Variants in EML6 observed in about 807,000 individuals in gnomAD.
EML6 encodes the protein EMAP like 6, also known as echinoderm microtubule-associated protein-like 6.
A neutral mutation model predicts 240.1 loss-of-function variants in EML6; 154 were observed. The ratio of observed to expected loss-of-function variants is 0.64; its 90% confidence interval spans 0.56 to 0.73. The LOEUF (loss-of-function observed/expected upper bound fraction) is 0.73, where lower values mean the gene tolerates loss of function less well. EML6 is among the 30% of genes least tolerant of loss of function. The pLI is 0.00. For synonymous variants in EML6, 1,148 were observed against 899.0 expected, an observed-to-expected ratio of 1.28 and a Z score of -4.95; for missense variants, 2,964 against 2,474.6, an observed-to-expected ratio of 1.20 and a Z score of -4.20.
At position 54,870,691 on chromosome 2, in the gene EML6, G is replaced by GT. The variant is rs1052385769; in HGVS notation, c.2239-799dup. On this transcript the variant is annotated intron_variant, in intron 15 of 41. Transcript: ENST00000356458. The stretch of plus-strand genomic sequence containing the variant: ...CTTTTTTTAAGTAAAAGCCAGAGGT[G>GT]TTTTTTTTTTACATAAATCCCCAAG... Among the ~76,000 whole-genome samples, 894 of 148,380 alleles carry GT rather than the reference G, an allele frequency of 6.0e-3. 6 individuals carry two copies. The highest frequency in any genetic ancestry group is 0.014 in the Middle Eastern group (4 of 288).
intron 24 of EML6, among the ~76,000 whole-genome samples, chr2:54,906,640 G>C (rs577161140): frequency 6.6e-6 from 1 of 152,314 alleles, no homozygotes; most frequent in South Asian, 2.1e-4. Context: ...GCTTTCTGTG[G>C]ATTGAGAGTA....
chr2:54,830,560 T>C (rs1668818016), intron 7 of EML6, among the ~76,000 whole-genome samples: 1 of 152,220 alleles, frequency 6.6e-6, no homozygotes, highest in African/African-American at 2.4e-5. Context: ...CTGTGTGACC[T>C]GATGGCGATG....
At chr2:54,925,383 A>G (rs149832586) in intron 26 of EML6, among the ~76,000 whole-genome samples, 2 of 152,228 alleles carry the variant, frequency 1.3e-5, no homozygotes, top group African/African-American at 2.4e-5. Context: ...AAGCAGACTA[A>G]TGTCCCATGC....
chr2:54,960,366 C>T, intron 35 of EML6, 32 bp downstream of exon 35: 1 of 1,483,824 alleles, frequency 6.7e-7, no homozygotes, highest in Non-Finnish European at 9.2e-7. Context: ...GGGGGCTGGG[C>T]CAGGGAAGGG....
Position 54,804,784 on chromosome 2 carries a change from C to G in EML6, c.198-8448C>G, listed in dbSNP as rs373438451. Among the ~76,000 whole-genome samples, 363 of 152,332 alleles carry G rather than the reference C, an allele frequency of 2.4e-3. 15 individuals are homozygous for G. The South Asian group carries it at 0.071, about 30-fold the overall frequency. On this transcript the variant is annotated intron_variant, in intron 2 of 41. Coordinates refer to ENST00000356458, the MANE Select transcript of EML6 (RefSeq NM_001039753.4). ...AACACTTCTAATTTTCAGGACTGTTCTCTCTGGTGGTTACTTCCACATCTC... is the reference window on the plus strand; with the variant it reads ...AACACTTCTAATTTTCAGGACTGTTGTCTCTGGTGGTTACTTCCACATCTC...
intron 2 of EML6, among the ~76,000 whole-genome samples, chr2:54,811,477 C>A (rs1382366054): frequency 6.6e-6 from 1 of 152,184 alleles, no homozygotes; most frequent in African/African-American, 2.4e-5. Context: ...CATCTTTCTC[C>A]ATCCTCCATC....
intron 38 of EML6, among the ~76,000 whole-genome samples, chr2:54,966,122 G>A (rs1439603854): frequency 3.9e-5 from 6 of 152,214 alleles, no homozygotes; most frequent in Admixed American, 2.6e-4. Flanking sequence ...GAGAAGACAA[G>A]CACTAAACAG....
chr2:54,733,064 C>T (rs1253948453), intron 2 of EML6, among the ~76,000 whole-genome samples: 1 of 152,158 alleles, frequency 6.6e-6, no homozygotes, highest in Non-Finnish European at 1.5e-5. Context: ...ATCTGGATGA[C>T]CTCAACTAGA....
intron 32 of EML6, among the ~76,000 whole-genome samples, chr2:54,957,354 G>GA (rs11315862): frequency 0.27 from 28,643 of 106,232 alleles, 4,183 homozygotes; most frequent in African/African-American, 0.42. Flanking sequence ...AGAATCTTAG[G>GA]AAAAAAAAAA....
At chr2:54,852,447 C>T (rs1014813309) in intron 10 of EML6, among the ~76,000 whole-genome samples, 1 of 152,106 alleles carries the variant, frequency 6.6e-6, no homozygotes, top group African/African-American at 2.4e-5. Flanking sequence ...AAATACCATC[C>T]TGTTCAGGGG....
intron 16 of EML6, among the ~76,000 whole-genome samples, chr2:54,877,610 T>G (rs1312347790): frequency 6.6e-6 from 1 of 152,208 alleles, no homozygotes; most frequent in Non-Finnish European, 1.5e-5. Context: ...CATTACCAAT[T>G]CCTTCTCCTA....
intron 5 of EML6, among the ~76,000 whole-genome samples, chr2:54,823,850 T>TCTCTCTCTCTCTCTCTCTCTCTCTC (rs1553387708): frequency 1.4e-5 from 1 of 72,256 alleles, no homozygotes; most frequent in Non-Finnish European, 2.9e-5. Flanking sequence ...CATTCATTCA[T>TCTCTCTCTCTCTCTCTCTCTCTCTC]TCTCTCTCTC....
At chr2:54,860,332 C>A (rs984160351) in intron 12 of EML6, among the ~76,000 whole-genome samples, 1 of 152,150 alleles carries the variant, frequency 6.6e-6, no homozygotes, top group Non-Finnish European at 1.5e-5. Context: ...CGGTTTGATA[C>A]AAGTGCTCAA....
chr2:54,887,972 G>A (rs1412886417), intron 17 of EML6, among the ~76,000 whole-genome samples: 1 of 152,142 alleles, frequency 6.6e-6, no homozygotes, highest in Non-Finnish European at 1.5e-5. Context: ...TGTACATTCT[G>A]CGAGTTTTGA....
chr2:54,963,740 T>C (rs895120088), intron 36 of EML6, among the ~76,000 whole-genome samples: 3 of 152,338 alleles, frequency 2.0e-5, no homozygotes, highest in Non-Finnish European at 2.9e-5. Flanking sequence ...AAGTGGGTGC[T>C]ACCTAATCAT....
chr2:54,767,115 A>G (rs17046312), intron 2 of EML6, among the ~76,000 whole-genome samples: 15,298 of 152,142 alleles, frequency 0.1, 1,495 homozygotes, highest in East Asian at 0.31. Flanking sequence ...AGGCAGTCAA[A>G]GTAGGTTTTT....
chr2:54,948,103 C>G (rs1356646535), intron 28 of EML6, among the ~76,000 whole-genome samples: 1 of 152,180 alleles, frequency 6.6e-6, no homozygotes, highest in Non-Finnish European at 1.5e-5. Flanking sequence ...CTCGACCCAT[C>G]CATAGAGAAA....
At position 54,962,520 on chromosome 2, in the gene EML6, C is replaced by G; in HGVS notation, c.4969-3C>G. On this transcript the variant is annotated splice_region_variant and splice_polypyrimidine_tract_variant and intron_variant, in intron 35 of 41. Coordinates refer to ENST00000356458, the MANE Select transcript of EML6 (RefSeq NM_001039753.4). ...TTTTCTAATAGTGTTTCAATTACAA[C>G]AGGGAAAAATCTTAGTGGGAACCAA... 1 of 1,539,538 alleles carries G rather than the reference C, an allele frequency of 6.5e-7. No individual in the cohort carries two copies. Among genetic ancestry groups the G allele is most frequent in the Non-Finnish European group, 8.8e-7 (1 of 1,140,944 alleles).
At chr2:54,827,931 A>G (rs1341830330) in intron 6 of EML6, among the ~76,000 whole-genome samples, 180 bp downstream of exon 6, 1 of 152,238 alleles carries the variant, frequency 6.6e-6, no homozygotes, top group African/African-American at 2.4e-5. Context: ...TCAAAAGCAT[A>G]CAATGTAATT....
Sources: allele counts gnomAD v4.1 joint callset (sites outside exome capture counted in the v4.1 genomes callset), GRCh38; gene constraint gnomAD v4.1.1; transcripts MANE v1.5; gene names NCBI Gene and HGNC (gene_info 2026-07-23, HGNC 2026-07-21).